The following SUSD1 variants were observed in gnomAD, a reference collection of about 807,000 sequenced individuals.
SUSD1 encodes the protein sushi domain-containing protein 1.
In SUSD1, 65 loss-of-function variants were observed where a neutral mutation model predicts 86.9. The ratio of observed to expected loss-of-function variants is 0.75; its 90% CI spans 0.61 to 0.92. SUSD1 has a LOEUF of 0.92. SUSD1 is among the 40% of genes least tolerant of loss of function. The pLI, the probability that SUSD1 is intolerant of heterozygous loss-of-function variation, is 0.00. For synonymous variants in SUSD1, 346 were observed against 350.0 expected, an observed-to-expected ratio of 0.99 and a Z score of 0.13; for missense variants, 850 against 929.7, an observed-to-expected ratio of 0.91 and a Z score of 1.11.
intron 10 of SUSD1, among the ~76,000 whole-genome samples, chr9:112,093,767 G>A (rs562533977): frequency 2.0e-5 from 3 of 152,288 alleles, no homozygotes; most frequent in Admixed American, 6.5e-5. Flanking sequence ...CCACAGCGGA[G>A]CAAGGCACCA....
At chr9:112,052,314 A>G (rs1828250413) in intron 15 of SUSD1, 85 bp downstream of exon 15, 1 of 1,610,326 alleles carries the variant, frequency 6.2e-7, no homozygotes. Context: ...ACCAGTGACA[A>G]TTATATAAAC....
intron 12 of SUSD1, among the ~76,000 whole-genome samples, chr9:112,073,825 A>G (rs1437077104): frequency 6.6e-6 from 1 of 152,136 alleles, no homozygotes. Context: ...CCTGGGAGGC[A>G]GAGGTTGCAG....
chr9:112,168,778 A>AC (rs1212596624), intron 1 of SUSD1, among the ~76,000 whole-genome samples: 2 of 152,086 alleles, frequency 1.3e-5, no homozygotes, highest in African/African-American at 4.8e-5. Flanking sequence ...AAAAATCTAG[A>AC]CCCCATCTCT....
intron 7 of SUSD1, chr9:112,112,097 A>T: frequency 2.9e-6 from 1 of 349,018 alleles, no homozygotes; most frequent in Non-Finnish European, 5.2e-6. Flanking sequence ...GACAATTGCA[A>T]CCTGAGGACC....
chr9:112,150,341 T>G (rs779132692), intron 2 of SUSD1, among the ~76,000 whole-genome samples: 54 of 152,250 alleles, frequency 3.5e-4, no homozygotes, highest in Non-Finnish European at 2.9e-4. Context: ...ATCTACACAG[T>G]TAGCTTTTTT....
rs1428831686 is a variant in SUSD1 at position 112,058,499 on chromosome 9, A to G, written c.2038T>C (p.Tyr680His). The G allele has an allele frequency of 6.2e-7, 1 of 1,614,070 alleles. No homozygotes were observed. The highest frequency in any genetic ancestry group is 8.5e-7 in the Non-Finnish European group (1 of 1,180,018). Residue 680 changes from tyrosine to histidine, a missense_variant, in exon 14 of 17, where the codon TAT becomes CAT. Tyr to His is a moderately conservative substitution (Grantham distance 83). Coordinates refer to ENST00000374270, the MANE Select transcript of SUSD1 (RefSeq NM_022486.5). ...CCTCTTTTCAAGGGTGCATTATAATATTCCCCATAGTACAGCCTGTCTCCT... is the reference window on the plus strand; with the variant it reads ...CCTCTTTTCAAGGGTGCATTATAATGTTCCCCATAGTACAGCCTGTCTCCT... ...PIGDRLYYGE[Y>H]YNAPLKRGSD... is the part of the protein sequence containing the mutation.
intron 5 of SUSD1, chr9:112,137,733 G>T (rs1447832378): frequency 6.6e-6 from 1 of 152,120 alleles, no homozygotes; most frequent in Non-Finnish European, 1.5e-5. Context: ...TGAAAATTGT[G>T]AGGGTTTCTC....
Position 112,098,472 on chromosome 9 carries a change from G to T in SUSD1, c.1472C>A (p.Ala491Glu). ...AAAAGAAAGACGTCTACACCCACCTGCTGGGGGAGTTGCTATTGTTATTTG... is the reference window on the plus strand; with the variant it reads ...AAAAGAAAGACGTCTACACCCACCTTCTGGGGGAGTTGCTATTGTTATTTG... The part of the protein sequence containing the change: ...SVQITIATPP[A>E]VKQTISNISG... The change falls in exon 10 of 17, where the codon GCA (alanine) becomes GAA (glutamate). Residue 491 changes from alanine to glutamate, a missense_variant and splice_region_variant. Transcript: ENST00000374270. 2 of 1,613,990 alleles carry T rather than the reference G, an allele frequency of 1.2e-6. No homozygotes were observed. The highest frequency in any genetic ancestry group is 1.7e-6 in the Non-Finnish European group (2 of 1,179,912).
Position 112,153,437 on chromosome 9 carries a change from A to G in SUSD1, c.218-4038T>C, listed in dbSNP as rs557095381. Reference sequence around the variant, plus strand: ...ATACATGGAGCTGTCATCTCCTATGATAACAATGCTTTCTTCTGCAATACA... The same window carrying G: ...ATACATGGAGCTGTCATCTCCTATGGTAACAATGCTTTCTTCTGCAATACA... On this transcript the variant is annotated intron_variant, in intron 2 of 16. Coordinates refer to ENST00000374270, the MANE Select transcript of SUSD1 (RefSeq NM_022486.5). Among the ~76,000 whole-genome samples the G allele has an allele frequency of 9.2e-5, 14 of 152,210 alleles. No homozygotes were observed. In the South Asian group the frequency reaches 1.0e-3, roughly 11 times the overall value.
At chr9:112,045,582 C>G (rs1452300173) in intron 15 of SUSD1, among the ~76,000 whole-genome samples, 1 of 152,152 alleles carries the variant, frequency 6.6e-6, no homozygotes, top group Non-Finnish European at 1.5e-5. Context: ...CTGACCTAAT[C>G]TGCTCTTAAA....
chr9:112,174,064 G>C (rs1163205056), intron 1 of SUSD1: 1 of 153,148 alleles, frequency 6.5e-6, no homozygotes, highest in Non-Finnish European at 1.4e-5. Context: ...GTGGCTTCCA[G>C]GCACAGCTAA....
At chr9:112,157,431 A>T in intron 2 of SUSD1, 69 bp downstream of exon 2, 1 of 1,118,284 alleles carries the variant, frequency 8.9e-7, no homozygotes, top group Non-Finnish European at 1.3e-6. Flanking sequence ...AAGGACATCA[A>T]CTCTTTAATA....
At chr9:112,154,902 C>A (rs1339755992) in intron 2 of SUSD1, among the ~76,000 whole-genome samples, 1 of 152,104 alleles carries the variant, frequency 6.6e-6, no homozygotes, top group African/African-American at 2.4e-5. Context: ...GGAGTAGTAC[C>A]ACATAAATTA....
At chr9:112,169,701 T>C (rs1271581069) in intron 1 of SUSD1, among the ~76,000 whole-genome samples, 3 of 146,780 alleles carry the variant, frequency 2.0e-5, no homozygotes, top group Admixed American at 7.0e-5. Flanking sequence ...TGAGATGGAG[T>C]TTCACTCTTG....
intron 13 of SUSD1, among the ~76,000 whole-genome samples, chr9:112,060,526 T>C (rs1828672486): frequency 6.6e-6 from 1 of 152,202 alleles, no homozygotes; most frequent in Non-Finnish European, 1.5e-5. Flanking sequence ...GTTGCACGTA[T>C]CACTGCCCTG....
At chr9:112,048,444 G>A (rs111481548) in intron 15 of SUSD1, among the ~76,000 whole-genome samples, 2,282 of 152,142 alleles carry the variant, frequency 0.015, 61 homozygotes, top group African/African-American at 0.052. Context: ...ATACACACTA[G>A]GTTTATATCC....
intron 3 of SUSD1, among the ~76,000 whole-genome samples, chr9:112,145,645 T>C: frequency 6.6e-6 from 1 of 152,228 alleles, no homozygotes; most frequent in East Asian, 1.9e-4. Flanking sequence ...CTCAGAATCC[T>C]TTTGAACTTT....
intron 1 of SUSD1, among the ~76,000 whole-genome samples, chr9:112,166,199 T>C (rs1833822113): frequency 6.6e-6 from 1 of 152,230 alleles, no homozygotes; most frequent in African/African-American, 2.4e-5. Flanking sequence ...GATTAGCCTA[T>C]TCTGCAGGAC....
intron 10 of SUSD1, among the ~76,000 whole-genome samples, chr9:112,095,133 C>T (rs1042585648): frequency 6.6e-6 from 1 of 152,052 alleles, no homozygotes; most frequent in African/African-American, 2.4e-5. Flanking sequence ...TATGGCAGGT[C>T]GAGAGCTCTG....
Sources: gnomAD v4.1 joint callset for allele counts (sites outside exome capture counted in the v4.1 genomes callset) on GRCh38, gnomAD v4.1.1 for gene constraint, MANE v1.5 for transcripts, NCBI Gene and HGNC (gene_info 2026-07-23, HGNC 2026-07-21) for gene names.